Variants in PHACTR1 observed in about 807,000 individuals in gnomAD.
PHACTR1 encodes phosphatase and actin regulator 1, also known as RPEL repeat containing 1.
PHACTR1 carries 16 observed loss-of-function variants against 69.2 expected under a neutral mutation model. The ratio of observed to expected loss-of-function variants is 0.23; its 90% CI spans 0.16 to 0.35. The LOEUF (loss-of-function observed/expected upper bound fraction) is 0.35. PHACTR1 is among the 10% of genes least tolerant of loss of function. The pLI, the probability that PHACTR1 is intolerant of heterozygous loss-of-function variation, is 1.00. For synonymous variants in PHACTR1, 312 were observed against 284.5 expected (o/e 1.10, Z -0.97); for missense variants, 510 against 734.7 (o/e 0.69, Z 3.54).
At chr6:13,095,566 C>G (rs1174515420) in intron 5 of PHACTR1, among the ~76,000 whole-genome samples, 1 of 152,110 alleles carries the variant, frequency 6.6e-6, no homozygotes, top group Non-Finnish European at 1.5e-5. Flanking sequence ...ACTATCCTAA[C>G]TTTATTCTGG....
At chr6:12,898,949 C>A (rs1341929415) in intron 4 of PHACTR1, among the ~76,000 whole-genome samples, 1 of 152,172 alleles carries the variant, frequency 6.6e-6, no homozygotes, top group African/African-American at 2.4e-5. Context: ...ACATGCTGTT[C>A]CCCTGGGCCT....
intron 4 of PHACTR1, among the ~76,000 whole-genome samples, chr6:12,873,250 C>T (rs1342590255): frequency 1.3e-5 from 2 of 152,100 alleles, no homozygotes; most frequent in African/African-American, 4.8e-5. Flanking sequence ...CTCCTGGGCT[C>T]AAGTGATCTT....
chr6:12,782,028 C>A (rs1445809886), intron 4 of PHACTR1, among the ~76,000 whole-genome samples: 5 of 152,196 alleles, frequency 3.3e-5, no homozygotes, highest in African/African-American at 1.2e-4. Flanking sequence ...CCTGCCTGGG[C>A]TCTGGCCTCT....
intron 8 of PHACTR1, among the ~76,000 whole-genome samples, chr6:13,226,935 A>T (rs1025236111): frequency 2.6e-5 from 4 of 151,992 alleles, no homozygotes; most frequent in Non-Finnish European, 5.9e-5. Flanking sequence ...AGAAGGTTTC[A>T]CCATGTTGGC....
chr6:13,277,322 C>T (rs1159054554), intron 11 of PHACTR1, among the ~76,000 whole-genome samples: 1 of 152,224 alleles, frequency 6.6e-6, no homozygotes, highest in African/African-American at 2.4e-5. Flanking sequence ...TGAGCCACTC[C>T]TAAAGAGTCT....
At chr6:12,972,304 T>C (rs1794310325) in intron 4 of PHACTR1, among the ~76,000 whole-genome samples, 1 of 152,186 alleles carries the variant, frequency 6.6e-6, no homozygotes, top group South Asian at 2.1e-4. Flanking sequence ...TGAAATTGGG[T>C]GAATTCACGT....
intron 5 of PHACTR1, among the ~76,000 whole-genome samples, chr6:13,083,491 G>T (rs1348269672): frequency 1.3e-5 from 2 of 151,012 alleles, no homozygotes; most frequent in Non-Finnish European, 3.0e-5. Flanking sequence ...GAAAGTCATT[G>T]GTAGCTTGAT....
chr6:12,754,287 T>C (rs1368703275), intron 4 of PHACTR1, among the ~76,000 whole-genome samples: 1 of 151,966 alleles, frequency 6.6e-6, no homozygotes, highest in East Asian at 1.9e-4. Flanking sequence ...AAATTGTAAA[T>C]ATTATTGCCA....
At chr6:13,151,459 C>G (rs1477058923) in intron 5 of PHACTR1, among the ~76,000 whole-genome samples, 1 of 152,186 alleles carries the variant, frequency 6.6e-6, no homozygotes, top group Non-Finnish European at 1.5e-5. Context: ...AATTGTACAT[C>G]TAGCTATATA....
At position 13,228,020 on chromosome 6, in the gene PHACTR1, G is replaced by A. The variant is rs1584079972; in HGVS notation, c.1191G>A (p.Glu397=). The change falls in exon 9 of 15, where the codon GAG becomes GAA. Residue 397 remains glutamate (E), a synonymous_variant. Transcript: ENST00000332995. ...CTTGCCTGTATACAAGAGAAGAGGA[G>A]GAAGAGGAGGAGGACGAAGACGACG... The part of the protein sequence containing the change: ...DSSCLYTREE[E]EEEEDEDDDS... 6.2e-7 allele frequency: 1 copy of A among 1,613,880 alleles called. No individual in the cohort carries two copies. Among genetic ancestry groups the A allele is most frequent in the South Asian group, 1.1e-5 (1 of 91,084 alleles).
chr6:13,150,802 T>A (rs1824191207), intron 5 of PHACTR1, among the ~76,000 whole-genome samples: 1 of 152,230 alleles, frequency 6.6e-6, no homozygotes, highest in Non-Finnish European at 1.5e-5. Context: ...TAAACTTAAT[T>A]TTGAAACATC....
intron 10 of PHACTR1, among the ~76,000 whole-genome samples, chr6:13,259,064 T>A (rs1044467173): frequency 6.6e-6 from 1 of 152,238 alleles, no homozygotes; most frequent in African/African-American, 2.4e-5. Flanking sequence ...ATTTGTCTTT[T>A]ATTCTGTATT....
At chr6:12,939,270 T>G (rs1789814485) in intron 4 of PHACTR1, among the ~76,000 whole-genome samples, 1 of 152,194 alleles carries the variant, frequency 6.6e-6, no homozygotes, top group African/African-American at 2.4e-5. Flanking sequence ...GAGATTGCCT[T>G]AGGTAACTGA....
chr6:13,281,446 C>T (rs762538428), intron 12 of PHACTR1: 2 of 296,598 alleles, frequency 6.7e-6, no homozygotes, highest in African/African-American at 2.2e-5. Flanking sequence ...CCCAGCTACT[C>T]GGGAGGCTGA....
At chr6:12,769,361 GTTAAA>G (rs1224696723) in intron 4 of PHACTR1, among the ~76,000 whole-genome samples, 3 of 152,178 alleles carry the variant, frequency 2.0e-5, no homozygotes, top group Non-Finnish European at 4.4e-5. Context: ...AAATTTAAAT[GTTAAA>G]TTAAAACATT....
At chr6:13,199,827 A>G (rs921930522) in intron 7 of PHACTR1, among the ~76,000 whole-genome samples, 2 of 152,152 alleles carry the variant, frequency 1.3e-5, no homozygotes, top group Non-Finnish European at 2.9e-5. Flanking sequence ...CTTATCATTT[A>G]CAAAAGGCTC....
In PHACTR1 at chr6:12,873,033, CAG is replaced by C. The variant is rs200729030; in HGVS notation, c.250+123246_250+123247del. Among the ~76,000 whole-genome samples, 1,089 of 150,828 alleles carry C rather than the reference CAG, an allele frequency of 7.2e-3. 2 individuals carry two copies. Among genetic ancestry groups the C allele is most frequent in the Middle Eastern group, 0.017 (5 of 294 alleles). On this transcript the variant is annotated intron_variant, in intron 4 of 14. Transcript: ENST00000332995. ...TTTTTCTTTCTTTCTTTGCTTTCAA[CAG>C]AGTCTTGTTTTGTTACCTAGGCTGG...
At chr6:13,036,266 T>G (rs1389313456) in intron 4 of PHACTR1, among the ~76,000 whole-genome samples, 1 of 152,210 alleles carries the variant, frequency 6.6e-6, no homozygotes, top group South Asian at 2.1e-4. Context: ...TAAATAGATA[T>G]GAAGATAGGC....
intron 8 of PHACTR1, among the ~76,000 whole-genome samples, chr6:13,208,017 T>G (rs1252147801): frequency 6.6e-6 from 1 of 152,138 alleles, no homozygotes; most frequent in Non-Finnish European, 1.5e-5. Context: ...ACACCTGCCC[T>G]TGCTGCAAAA....
Sources: gnomAD v4.1 joint callset for allele counts (sites outside exome capture counted in the v4.1 genomes callset) on GRCh38, gnomAD v4.1.1 for gene constraint, MANE v1.5 for transcripts, NCBI Gene and HGNC (gene_info 2026-07-23, HGNC 2026-07-21) for gene names.